The following WWC2 variants were observed in gnomAD, a reference collection of about 807,000 sequenced individuals.
The protein encoded by WWC2 is protein WWC2.
WWC2 carries 101 observed loss-of-function variants against 138.5 expected under a neutral mutation model. That is an observed-to-expected ratio of 0.73 (90% CI 0.62 to 0.86). The LOEUF is 0.86. Among genes scored for constraint, WWC2 ranks in the 40% least tolerant of loss-of-function variants. The pLI is 0.00. For missense variants in WWC2, 1,420 were observed against 1,419.4 expected (o/e 1.00, Z -0.01); for synonymous variants, 558 against 538.4 (o/e 1.04, Z -0.50).
chr4:183,162,255 A>G (rs535027899), intron 1 of WWC2, among the ~76,000 whole-genome samples: 1 of 152,334 alleles, frequency 6.6e-6, no homozygotes, highest in East Asian at 1.9e-4. Context: ...ATTGCAGTAT[A>G]CTAAATACTA....
chr4:183,234,461 T>A (rs553315147), intron 4 of WWC2, among the ~76,000 whole-genome samples: 10 of 152,344 alleles, frequency 6.6e-5, no homozygotes, highest in African/African-American at 2.4e-4. Context: ...GATACAGGAA[T>A]AATGAAGTTT....
chr4:183,201,725 A>G (rs1335715655), intron 2 of WWC2, among the ~76,000 whole-genome samples: 2 of 152,198 alleles, frequency 1.3e-5, no homozygotes, highest in Non-Finnish European at 2.9e-5. Flanking sequence ...CTGCATTAAG[A>G]TTGAGATTAC....
intron 21 of WWC2, among the ~76,000 whole-genome samples, chr4:183,308,736 T>C (rs527860627): frequency 1.3e-5 from 2 of 152,308 alleles, no homozygotes; most frequent in Non-Finnish European, 2.9e-5. Context: ...TTAAATACTA[T>C]GTAAATAATT....
At chr4:183,104,954 G>A (rs558389705) in intron 1 of WWC2, among the ~76,000 whole-genome samples, 5 of 152,030 alleles carry the variant, frequency 3.3e-5, no homozygotes, top group South Asian at 2.1e-4. Flanking sequence ...TCGCCCAGGC[G>A]GGAGTGCAGT....
chr4:183,101,520 C>T (rs1579935361), intron 1 of WWC2, among the ~76,000 whole-genome samples: 1 of 152,132 alleles, frequency 6.6e-6, no homozygotes, highest in African/African-American at 2.4e-5. Flanking sequence ...ATAAATTTGA[C>T]GACTTACAAA....
At chr4:183,272,794 C>CT in intron 16 of WWC2, among the ~76,000 whole-genome samples, 1 of 152,122 alleles carries the variant, frequency 6.6e-6, no homozygotes, top group Non-Finnish European at 1.5e-5. Flanking sequence ...TATTTTATTC[C>CT]TTTTTATTCA....
At chr4:183,243,945 C>G (rs181462316) in intron 5 of WWC2, among the ~76,000 whole-genome samples, 1 of 152,230 alleles carries the variant, frequency 6.6e-6, no homozygotes, top group African/African-American at 2.4e-5. Flanking sequence ...AATACATTAT[C>G]TATAAACCGC....
intron 8 of WWC2, among the ~76,000 whole-genome samples, chr4:183,250,347 A>G (rs1736940592): frequency 1.3e-5 from 2 of 152,226 alleles, no homozygotes; most frequent in Non-Finnish European, 2.9e-5. Flanking sequence ...TGGTTCAGGT[A>G]TAGGACTAAA....
intron 21 of WWC2, among the ~76,000 whole-genome samples, chr4:183,292,438 G>T (rs1018279394): frequency 2.6e-5 from 4 of 152,082 alleles, no homozygotes; most frequent in African/African-American, 9.7e-5. Flanking sequence ...CCAGAGGTAT[G>T]AGGTTGAAGT....
At position 183,170,575 on chromosome 4, in the gene WWC2, G is replaced by A. The variant is rs554628944; in HGVS notation, c.132-23024G>A. Among the ~76,000 whole-genome samples the A allele has an allele frequency of 8.5e-5, 13 of 152,312 alleles. No homozygotes were observed. In the East Asian group the frequency reaches 2.5e-3, roughly 29 times the overall value. ...CCTGAAGGTGAAACCTGGGGAGCCTGGGATGCTGAGATGCACTTTTGTGAC... is the reference window on the plus strand; with the variant it reads ...CCTGAAGGTGAAACCTGGGGAGCCTAGGATGCTGAGATGCACTTTTGTGAC... On this transcript the variant is annotated intron_variant, in intron 1 of 22. Transcript: ENST00000403733.
chr4:183,128,726 T>A (rs1395742824), intron 1 of WWC2, among the ~76,000 whole-genome samples: 1 of 152,204 alleles, frequency 6.6e-6, no homozygotes, highest in Non-Finnish European at 1.5e-5. Flanking sequence ...TGTGAGAAGC[T>A]GTATTTATTG....
chr4:183,269,689 T>TA (rs1425546075), intron 15 of WWC2: 1 of 353,872 alleles, frequency 2.8e-6, no homozygotes, highest in East Asian at 7.4e-5. Flanking sequence ...AATTCACTGT[T>TA]ACAAATTAAA....
chr4:183,137,053 A>G (rs541518948), intron 1 of WWC2, among the ~76,000 whole-genome samples: 10 of 152,332 alleles, frequency 6.6e-5, no homozygotes, highest in African/African-American at 2.4e-4. Flanking sequence ...GGCCCTTAAC[A>G]TGAATGGAGC....
At chr4:183,305,630 A>G (rs746715465) in intron 21 of WWC2, among the ~76,000 whole-genome samples, 1 of 152,232 alleles carries the variant, frequency 6.6e-6, no homozygotes. Flanking sequence ...TTAAGAGGAA[A>G]AAGAAACCAA....
chr4:183,166,146 C>A (rs1561444820), intron 1 of WWC2, among the ~76,000 whole-genome samples: 1 of 151,986 alleles, frequency 6.6e-6, no homozygotes, highest in Non-Finnish European at 1.5e-5. Context: ...TATGTTACTC[C>A]CTCCCCCAGA....
intron 2 of WWC2, among the ~76,000 whole-genome samples, chr4:183,194,959 T>C (rs1263431392): frequency 6.6e-6 from 1 of 152,230 alleles, no homozygotes; most frequent in Non-Finnish European, 1.5e-5. Flanking sequence ...GTAGAGCTAT[T>C]ATTTATCTCT....
At chr4:183,214,770 G>A (rs1166303905) in intron 4 of WWC2, among the ~76,000 whole-genome samples, 1 of 149,768 alleles carries the variant, frequency 6.7e-6, no homozygotes, top group African/African-American at 2.5e-5. Flanking sequence ...CAACAAGAGC[G>A]AAACTCCGTC....
At chr4:183,140,138 A>G (rs574819435) in intron 1 of WWC2, among the ~76,000 whole-genome samples, 1 of 152,186 alleles carries the variant, frequency 6.6e-6, no homozygotes, top group Non-Finnish European at 1.5e-5. Context: ...TTACTGCTGC[A>G]TCGCTGGTAT....
chr4:183,135,548 A>G (rs1733083923), intron 1 of WWC2, among the ~76,000 whole-genome samples: 1 of 144,668 alleles, frequency 6.9e-6, no homozygotes. Flanking sequence ...CTTTAATTAT[A>G]TATATATATA....
Sources: gnomAD v4.1 joint callset for allele counts (sites outside exome capture counted in the v4.1 genomes callset) on GRCh38, gnomAD v4.1.1 for gene constraint, MANE v1.5 for transcripts, NCBI Gene and HGNC (gene_info 2026-07-23, HGNC 2026-07-21) for gene names.